The following ZMYM4 variants were observed in gnomAD, a reference collection of about 807,000 sequenced individuals.
ZMYM4 encodes zinc finger MYM-type protein 4.
ZMYM4 carries 31 observed loss-of-function variants against 183.2 expected under a neutral mutation model. The observed-to-expected ratio is 0.17, with a 90% CI of 0.13 to 0.23. ZMYM4 has a LOEUF of 0.23. Among genes scored for constraint, ZMYM4 ranks in the 10% least tolerant of loss-of-function variants. The pLI is 1.00. For synonymous variants in ZMYM4, 592 were observed against 631.2 expected, an observed-to-expected ratio of 0.94 and a Z score of 0.93; for missense variants, 1,273 against 1,840.3, an observed-to-expected ratio of 0.69 and a Z score of 5.64.
Position 35,305,960 on chromosome 1 carries a change from G to A in ZMYM4, c.40-19400G>A, listed in dbSNP as rs536299446. Among the ~76,000 whole-genome samples the A allele has an allele frequency of 2.6e-5, 4 of 152,220 alleles. No homozygotes were observed. In the South Asian group the frequency reaches 8.3e-4, roughly 32 times the overall value. ...ACATGTGTTACCCTCCCCACCCTTT[G>A]ACTTTCAGTCTGTGTCTCTATGTGG... On this transcript the variant is annotated intron_variant, in intron 1 of 29. Coordinates refer to ENST00000314607, the MANE Select transcript of ZMYM4 (RefSeq NM_005095.3).
At chr1:35,273,107 A>G (rs1639699251) in intron 1 of ZMYM4, among the ~76,000 whole-genome samples, 1 of 152,148 alleles carries the variant, frequency 6.6e-6, no homozygotes, top group Non-Finnish European at 1.5e-5. Context: ...CAGTCGGAAC[A>G]CTTGTATTCA....
At chr1:35,386,942 A>C in intron 11 of ZMYM4, 61 bp from the exon 12 acceptor site, 1 of 1,536,040 alleles carries the variant, frequency 6.5e-7, no homozygotes, top group South Asian at 1.2e-5. Context: ...ATGTAGGCAC[A>C]CAATACTTCT....
chr1:35,304,481 G>C (rs1049500350), intron 1 of ZMYM4, among the ~76,000 whole-genome samples: 4 of 148,788 alleles, frequency 2.7e-5, no homozygotes, highest in Non-Finnish European at 4.4e-5. Context: ...TCTTTGAGAC[G>C]GGATCTGGCT....
At chr1:35,353,382 T>A (rs1163575243) in intron 2 of ZMYM4, among the ~76,000 whole-genome samples, 1 of 152,230 alleles carries the variant, frequency 6.6e-6, no homozygotes, top group Non-Finnish European at 1.5e-5. Context: ...TTATGTTAAT[T>A]TGTCTGTAGA....
rs371054985 is a variant in ZMYM4, at chr1:35,405,154, G to C, written c.3660G>C (p.Trp1220Cys). 2 of 1,614,028 alleles carry C rather than the reference G, an allele frequency of 1.2e-6. No individual in the cohort carries two copies. Among genetic ancestry groups the C allele is most frequent in the Non-Finnish European group, 1.7e-6 (2 of 1,179,964 alleles). The change falls in exon 24 of 30, where the codon TGG becomes TGC. Residue 1220 changes from tryptophan to cysteine, a missense_variant. Coordinates refer to ENST00000314607, the MANE Select transcript of ZMYM4 (RefSeq NM_005095.3). ...ATGCTTGGAAGAACTGGGTTCAGTG[G>C]AAAAATGCCAAGGAAGAGCAGGGGG... is the stretch of plus-strand genomic sequence containing the variant. ...GVNAWKNWVQ[W>C]KNAKEEQGDL...
intron 1 of ZMYM4, among the ~76,000 whole-genome samples, chr1:35,276,604 C>G (rs957223368): frequency 1.3e-5 from 2 of 152,016 alleles, no homozygotes; most frequent in African/African-American, 4.8e-5. Context: ...ATCACCTCCC[C>G]CCACCTTTTT....
intron 2 of ZMYM4, among the ~76,000 whole-genome samples, chr1:35,328,828 C>T (rs776294868): frequency 1.3e-5 from 2 of 152,026 alleles, no homozygotes; most frequent in Non-Finnish European, 2.9e-5. Flanking sequence ...TGGAAAGCTC[C>T]GATACCAAAG....
At chr1:35,310,070 A>G (rs770622551) in intron 1 of ZMYM4, among the ~76,000 whole-genome samples, 1 of 151,612 alleles carries the variant, frequency 6.6e-6, no homozygotes, top group African/African-American at 2.4e-5. Flanking sequence ...AGCTGAGATT[A>G]AGGCACCCAC....
At chr1:35,347,748 T>C (rs985411452) in intron 2 of ZMYM4, among the ~76,000 whole-genome samples, 1 of 152,168 alleles carries the variant, frequency 6.6e-6, no homozygotes, top group Non-Finnish European at 1.5e-5. Flanking sequence ...GATTGGGGTA[T>C]AGTTGGGTCA....
In ZMYM4 at chr1:35,310,989, C is replaced by G. The variant is rs1041746000; in HGVS notation, c.40-14371C>G. Among the ~76,000 whole-genome samples, 28 of 152,136 alleles carry G rather than the reference C, an allele frequency of 1.8e-4. 1 individual carries two copies. The highest frequency in any genetic ancestry group is 1.6e-3 in the Admixed American group (25 of 15,250). The stretch of plus-strand genomic sequence containing the variant: ...ACACACACATAGATTCTTATAAACA[C>G]CACCGCAAACAGTATACGCTTCTAT... On this transcript the variant is annotated intron_variant, in intron 1 of 29. Transcript: ENST00000314607.
intron 1 of ZMYM4, among the ~76,000 whole-genome samples, chr1:35,289,292 A>G (rs937620426): frequency 1.3e-5 from 2 of 152,176 alleles, no homozygotes; most frequent in Non-Finnish European, 2.9e-5. Context: ...TTAGGAAGCT[A>G]TTGGTATAAT....
intron 1 of ZMYM4, among the ~76,000 whole-genome samples, chr1:35,310,661 C>T (rs755956028): frequency 6.6e-6 from 1 of 152,102 alleles, no homozygotes; most frequent in Non-Finnish European, 1.5e-5. Flanking sequence ...TCACTGCAAC[C>T]TCTACCTCCC....
In ZMYM4 at chr1:35,361,616, T is replaced by C; in HGVS notation, c.670-3T>C. 6.2e-7 allele frequency: 1 copy of C among 1,610,610 alleles called. No individual in the cohort carries two copies. Among genetic ancestry groups the C allele is most frequent in the Non-Finnish European group, 8.5e-7 (1 of 1,179,034 alleles). On this transcript the variant is annotated splice_region_variant and splice_polypyrimidine_tract_variant and intron_variant, in intron 4 of 29. Coordinates refer to ENST00000314607, the MANE Select transcript of ZMYM4 (RefSeq NM_005095.3). ...TTTATTAATCCTTTATATTGTGTTT[T>C]AGGATTCCAGCTACCCATTTGCCAA...
intron 1 of ZMYM4, among the ~76,000 whole-genome samples, chr1:35,273,481 G>A (rs1639718054): frequency 6.6e-6 from 1 of 152,120 alleles, no homozygotes; most frequent in Admixed American, 6.6e-5. Context: ...ATATTTTGTT[G>A]TAAAATCCTT....
chr1:35,370,262 A>G, intron 6 of ZMYM4, 110 bp from the exon 7 acceptor site: 1 of 1,449,206 alleles, frequency 6.9e-7, no homozygotes, highest in Non-Finnish European at 9.1e-7. Context: ...GTTGGGTTTC[A>G]AGACTAGTTC....
chr1:35,336,465 C>A (rs1265839168), intron 2 of ZMYM4, among the ~76,000 whole-genome samples: 1 of 151,662 alleles, frequency 6.6e-6, no homozygotes, highest in African/African-American at 2.4e-5. Flanking sequence ...TGGCTCACTG[C>A]AACCTCCACC....
intron 26 of ZMYM4, among the ~76,000 whole-genome samples, chr1:35,408,992 T>G (rs984800178): frequency 1.3e-5 from 2 of 152,202 alleles, no homozygotes; most frequent in African/African-American, 4.8e-5. Flanking sequence ...CTCTCTGGAC[T>G]TGCCTATTCT....
chr1:35,344,464 G>A (rs543916113), intron 2 of ZMYM4, among the ~76,000 whole-genome samples: 1 of 152,138 alleles, frequency 6.6e-6, no homozygotes, highest in Admixed American at 6.5e-5. Context: ...AGTAGGTCAT[G>A]AGATGTTGAT....
intron 1 of ZMYM4, among the ~76,000 whole-genome samples, chr1:35,321,007 C>T (rs1188345): frequency 0.021 from 3,162 of 151,980 alleles, 115 homozygotes; most frequent in African/African-American, 0.07. Flanking sequence ...ATATAAAGCG[C>T]TCCTTTTTAT....
Sources: gnomAD v4.1 joint callset for allele counts (sites outside exome capture counted in the v4.1 genomes callset) on GRCh38, gnomAD v4.1.1 for gene constraint, MANE v1.5 for transcripts, NCBI Gene and HGNC (gene_info 2026-07-23, HGNC 2026-07-21) for gene names.